Variants in AFF2 observed in about 807,000 individuals in gnomAD.
AFF2 encodes the protein ALF transcription elongation factor 2, also known as AF4/FMR2 family member 2.
AFF2 carries 14 observed loss-of-function variants against 76.9 expected under a neutral mutation model. That is an observed-to-expected ratio of 0.18 (90% CI 0.12 to 0.28). The LOEUF (loss-of-function observed/expected upper bound fraction) is 0.28. Ranked by LOEUF, AFF2 falls within the 10% of genes least tolerant of loss-of-function variation. The pLI, the probability that AFF2 is intolerant of heterozygous loss-of-function variation, is 1.00. For missense variants in AFF2, 868 were observed against 1,001.1 expected (o/e 0.87, Z 1.79); for synonymous variants, 398 against 366.7 (o/e 1.09, Z -0.98).
At chrX:148,899,038 G>C (rs2071326193) in intron 8 of AFF2, among the ~76,000 whole-genome samples, 2 of 111,867 alleles carry the variant, frequency 1.8e-5, no homozygotes, top group South Asian at 7.5e-4. Context: ...CACGTTTTCA[G>C]GCATCCATAA....
intron 2 of AFF2, among the ~76,000 whole-genome samples, chrX:148,653,827 T>G (rs1219405910): frequency 9.0e-6 from 1 of 111,662 alleles, no homozygotes; most frequent in Non-Finnish European, 1.9e-5. Flanking sequence ...CATGAACAAG[T>G]TTTGTTCAGG....
intron 7 of AFF2, among the ~76,000 whole-genome samples, chrX:148,884,970 A>G (rs1367474651): frequency 8.9e-6 from 1 of 111,930 alleles, no homozygotes; most frequent in Admixed American, 9.5e-5. Flanking sequence ...GGAAATGGTC[A>G]TTGGTCCAGA....
chrX:148,598,233 T>G (rs556092253), intron 1 of AFF2, among the ~76,000 whole-genome samples: 2 of 111,486 alleles, frequency 1.8e-5, no homozygotes, highest in African/African-American at 6.5e-5. Flanking sequence ...TTTGCTAAAT[T>G]TTGGCCATAA....
At chrX:148,821,366 G>T (rs1202467951) in intron 4 of AFF2, among the ~76,000 whole-genome samples, 1 of 110,713 alleles carries the variant, frequency 9.0e-6, no homozygotes, top group Non-Finnish European at 1.9e-5. Flanking sequence ...GTCACTGAAA[G>T]TGTTCAATAG....
intron 3 of AFF2, among the ~76,000 whole-genome samples, chrX:148,707,161 A>G (rs1158063832): frequency 2.7e-5 from 3 of 112,173 alleles, no homozygotes; most frequent in African/African-American, 9.7e-5. Flanking sequence ...AAGACTGTCA[A>G]AATAGAATGT....
At chrX:148,504,837 C>G (rs1458445515) in intron 1 of AFF2, among the ~76,000 whole-genome samples, 1 of 112,242 alleles carries the variant, frequency 8.9e-6, no homozygotes, top group Admixed American at 9.3e-5. Flanking sequence ...CTGCCTCCTC[C>G]TGTTCTGTGC....
intron 1 of AFF2, among the ~76,000 whole-genome samples, chrX:148,549,073 G>A (rs5936394): frequency 0.27 from 30,279 of 111,047 alleles, 3,091 homozygotes; most frequent in Non-Finnish European, 0.3. Context: ...TCTAGGAATC[G>A]GCCATTCTAG....
chrX:148,524,599 T>A (rs1202788374), intron 1 of AFF2, among the ~76,000 whole-genome samples: 1 of 112,647 alleles, frequency 8.9e-6, no homozygotes, highest in Admixed American at 9.4e-5. Context: ...CAAGAATCTC[T>A]GGATCCATTA....
At chrX:148,869,602 T>C (rs2070947767) in intron 7 of AFF2, among the ~76,000 whole-genome samples, 2 of 111,685 alleles carry the variant, frequency 1.8e-5, no homozygotes, top group Admixed American at 1.9e-4. Flanking sequence ...ATACATTGCC[T>C]CAGCCCACCC....
chrX:148,544,727 C>T (rs1016204211), intron 1 of AFF2, among the ~76,000 whole-genome samples: 5 of 111,978 alleles, frequency 4.5e-5, no homozygotes, highest in Non-Finnish European at 9.4e-5. Flanking sequence ...AGACATGGGC[C>T]TCTTATGAGT....
At chrX:148,949,927 T>A (rs1400038541) in intron 9 of AFF2, among the ~76,000 whole-genome samples, 2 of 112,599 alleles carry the variant, frequency 1.8e-5, no homozygotes, top group Non-Finnish European at 3.7e-5. Context: ...CTAGGCAGAA[T>A]CAAGTATTAC....
intron 1 of AFF2, among the ~76,000 whole-genome samples, chrX:148,600,643 G>T (rs969446185): frequency 6.3e-5 from 7 of 111,481 alleles, no homozygotes; most frequent in Admixed American, 4.8e-4. Flanking sequence ...CCATACAAAA[G>T]ATATCAGGTG....
At position 148,891,737 on chromosome X, in the gene AFF2, A is replaced by G. The variant is rs535805909; in HGVS notation, c.1359+5752A>G. The stretch of plus-strand genomic sequence containing the variant: ...TTGTGATGCCTGGGTTCTGAAGCCT[A>G]GTTAGATCTGGCCATGGCTGTCTCA... On this transcript the variant is annotated intron_variant, in intron 8 of 20. Transcript: ENST00000370460. Among the ~76,000 whole-genome samples, 18 of 111,641 alleles carry G rather than the reference A, an allele frequency of 1.6e-4. No homozygotes were observed. The South Asian group carries it at 6.5e-3, about 40-fold the overall frequency.
At chrX:148,774,824 T>G (rs2069648008) in intron 3 of AFF2, among the ~76,000 whole-genome samples, 1 of 112,248 alleles carries the variant, frequency 8.9e-6, no homozygotes. Flanking sequence ...CTGTGCTTAT[T>G]CTTTGGTCAA....
At chrX:148,546,383 G>A (rs2052920984) in intron 1 of AFF2, among the ~76,000 whole-genome samples, 2 of 111,855 alleles carry the variant, frequency 1.8e-5, no homozygotes, top group African/African-American at 3.3e-5. Flanking sequence ...TCATATAAAG[G>A]AGACACAAAA....
chrX:148,595,325 G>C (rs950107505), intron 1 of AFF2, among the ~76,000 whole-genome samples: 2 of 111,716 alleles, frequency 1.8e-5, no homozygotes, highest in Admixed American at 9.5e-5. Flanking sequence ...TCACCAAAGA[G>C]AAGGAATAAA....
chrX:148,680,495 G>C (rs2054534985), intron 3 of AFF2, among the ~76,000 whole-genome samples: 1 of 111,143 alleles, frequency 9.0e-6, no homozygotes, highest in South Asian at 3.8e-4. Context: ...AAGATCAAGA[G>C]TAGGAGTAAG....
At chrX:148,602,402 T>C (rs782721076) in intron 1 of AFF2, among the ~76,000 whole-genome samples, 4 of 110,374 alleles carry the variant, frequency 3.6e-5, no homozygotes, top group Non-Finnish European at 7.6e-5. Context: ...ATTTATGTTT[T>C]ATTAATAAAA....
At chrX:148,894,910 T>C (rs782305747) in intron 8 of AFF2, among the ~76,000 whole-genome samples, 3 of 110,931 alleles carry the variant, frequency 2.7e-5, no homozygotes, top group South Asian at 3.8e-4. Flanking sequence ...TATATATATA[T>C]ACACAAAATT....
Sources: allele counts gnomAD v4.1 joint callset (sites outside exome capture counted in the v4.1 genomes callset), GRCh38; gene constraint gnomAD v4.1.1; transcripts MANE v1.5; gene names NCBI Gene and HGNC (gene_info 2026-07-23, HGNC 2026-07-21).